SOX5: variants seen among roughly 807,000 people sequenced by gnomAD.
SOX5 encodes SRY-box transcription factor 5, also known as transcription factor SOX-5.
A neutral mutation model predicts 92.0 loss-of-function variants in SOX5; 9 were observed. The observed-to-expected ratio is 0.10, with a 90% CI of 0.06 to 0.17. The LOEUF is 0.17. SOX5 is among the 10% of genes least tolerant of loss of function. The probability of loss-of-function intolerance (pLI) is 1.00; values close to 1 mark genes in which losing one functional copy is unlikely to be tolerated. For synonymous variants in SOX5, 344 were observed against 336.3 expected (o/e 1.02, Z -0.25); for missense variants, 642 against 944.5 (o/e 0.68, Z 4.20).
intron 4 of SOX5, among the ~76,000 whole-genome samples, chr12:24,179,688 C>G (rs1006001623): frequency 5.3e-5 from 8 of 152,008 alleles, no homozygotes; most frequent in Non-Finnish European, 1.2e-4. Flanking sequence ...ATAATTTTGC[C>G]CAGCTGTAGG....
At chr12:24,162,673 ATGGC>A (rs1952895193) in intron 4 of SOX5, among the ~76,000 whole-genome samples, 2 of 152,104 alleles carry the variant, frequency 1.3e-5, no homozygotes, top group African/African-American at 4.8e-5. Context: ...AAAACAAACT[ATGGC>A]TAACTTGGTC....
At chr12:24,326,179 TCTTA>T (rs1407910556) in intron 2 of SOX5, among the ~76,000 whole-genome samples, 4 of 152,204 alleles carry the variant, frequency 2.6e-5, no homozygotes, top group African/African-American at 7.2e-5. Flanking sequence ...GCTTCCCTTT[TCTTA>T]CTCTCTCCCA....
At chr12:24,018,368 C>T (rs1953904109) in intron 4 of SOX5, among the ~76,000 whole-genome samples, 1 of 152,122 alleles carries the variant, frequency 6.6e-6, no homozygotes, top group Non-Finnish European at 1.5e-5. Flanking sequence ...ACACAATATT[C>T]AACGTATCTG....
intron 1 of SOX5, among the ~76,000 whole-genome samples, chr12:24,536,792 C>G (rs979755079): frequency 1.3e-5 from 2 of 152,166 alleles, no homozygotes; most frequent in Non-Finnish European, 2.9e-5. Flanking sequence ...AAATAAGCAG[C>G]ATTCGTAATG....
At chr12:23,880,974 T>C (rs2096982433) in intron 2 of SOX5, among the ~76,000 whole-genome samples, 1 of 152,206 alleles carries the variant, frequency 6.6e-6, no homozygotes, top group South Asian at 2.1e-4. Context: ...ACCTATCTAT[T>C]GTCTCCTTGA....
intron 1 of SOX5, among the ~76,000 whole-genome samples, chr12:24,553,317 A>G (rs773149164): frequency 1.3e-5 from 2 of 152,214 alleles, no homozygotes; most frequent in Non-Finnish European, 2.9e-5. Flanking sequence ...TCATCTGTGA[A>G]AAGGTGCTAA....
chr12:24,006,178 AAAG>A (rs1418613144), intron 4 of SOX5, among the ~76,000 whole-genome samples: 1 of 152,196 alleles, frequency 6.6e-6, no homozygotes, highest in Non-Finnish European at 1.5e-5. Flanking sequence ...TTATGCACAT[AAAG>A]AAGGTCCTCA....
intron 1 of SOX5, among the ~76,000 whole-genome samples, chr12:24,450,510 A>G (rs1942137846): frequency 6.6e-6 from 1 of 151,084 alleles, no homozygotes; most frequent in South Asian, 2.1e-4. Flanking sequence ...TTATTTATTT[A>G]TTGAGACAGA....
intron 6 of SOX5, among the ~76,000 whole-genome samples, chr12:23,733,921 C>A (rs2093486481): frequency 2.0e-5 from 3 of 152,012 alleles, no homozygotes; most frequent in Non-Finnish European, 4.4e-5. Context: ...AGTATTGAGC[C>A]CTGACACTAT....
intron 6 of SOX5, among the ~76,000 whole-genome samples, chr12:23,696,430 G>C (rs1325712626): frequency 6.6e-6 from 1 of 151,994 alleles, no homozygotes; most frequent in Non-Finnish European, 1.5e-5. Flanking sequence ...ACAGCCCCTG[G>C]TTTTATGGTC....
intron 1 of SOX5, among the ~76,000 whole-genome samples, chr12:23,924,941 CT>C (rs1939522815): frequency 6.6e-6 from 1 of 151,978 alleles, no homozygotes. Flanking sequence ...ACTTGTTTAT[CT>C]GCTGACCTTC....
chr12:23,975,264 C>A (rs748340148), intron 4 of SOX5, among the ~76,000 whole-genome samples: 2 of 151,976 alleles, frequency 1.3e-5, no homozygotes, highest in East Asian at 1.9e-4. Flanking sequence ...TCCTTTCTTA[C>A]TGATCCTCGA....
chr12:23,705,242 C>CT (rs1281183061), intron 6 of SOX5, among the ~76,000 whole-genome samples: 14 of 151,942 alleles, frequency 9.2e-5, no homozygotes, highest in Non-Finnish European at 5.9e-5. Context: ...GAGTAGGTTT[C>CT]TTTAGCAACG....
At chr12:23,755,121 T>A in intron 4 of SOX5, among the ~76,000 whole-genome samples, 1 of 151,836 alleles carries the variant, frequency 6.6e-6, no homozygotes. Flanking sequence ...AATAGTTTTA[T>A]AGAACTTTTC....
chr12:24,174,795 G>A (rs761818524), intron 4 of SOX5, among the ~76,000 whole-genome samples: 26 of 151,948 alleles, frequency 1.7e-4, no homozygotes, highest in Admixed American at 5.9e-4. Flanking sequence ...ACTCCAGCCC[G>A]GGCCACAAGA....
intron 9 of SOX5, among the ~76,000 whole-genome samples, chr12:23,581,838 A>T (rs1325033743): frequency 6.6e-6 from 1 of 151,914 alleles, no homozygotes; most frequent in African/African-American, 2.4e-5. Flanking sequence ...ACTCAATATA[A>T]TGTTTCATTT....
rs532485435 is a variant in SOX5, at chr12:24,183,394, G to A, written c.-2+29949C>T. ...TTTACATCCATGAATGACTGCAAAG[G>A]TTTTCCTGTCTTTCCCCACAGCTAA... On this transcript the variant is annotated intron_variant, in intron 4 of 4. Coordinates refer to the SOX5 transcript ENST00000446891. Among the ~76,000 whole-genome samples, 9 of 152,150 alleles carry A rather than the reference G, an allele frequency of 5.9e-5. No homozygotes were observed. The South Asian group carries it at 1.9e-3, about 32-fold the overall frequency.
At chr12:24,467,525 G>GA (rs56238719) in intron 1 of SOX5, among the ~76,000 whole-genome samples, 13 of 151,338 alleles carry the variant, frequency 8.6e-5, no homozygotes, top group East Asian at 3.9e-4. Flanking sequence ...TGGAAGCAGA[G>GA]AAAAAAAAAT....
chr12:23,814,878 A>G (rs766078464), intron 3 of SOX5, among the ~76,000 whole-genome samples: 11 of 152,072 alleles, frequency 7.2e-5, no homozygotes, highest in Non-Finnish European at 1.5e-4. Flanking sequence ...TTTTATTTTT[A>G]TAAGTTTTTA....
Sources: allele counts gnomAD v4.1 joint callset (sites outside exome capture counted in the v4.1 genomes callset), GRCh38; gene constraint gnomAD v4.1.1; transcripts MANE v1.5; gene names NCBI Gene and HGNC (gene_info 2026-07-23, HGNC 2026-07-21).